The following CCDC178 variants were observed in gnomAD, a reference collection of about 807,000 sequenced individuals.
CCDC178 encodes coiled-coil domain-containing protein 178.
In CCDC178, 126 loss-of-function variants were observed where a neutral mutation model predicts 117.4. The ratio of observed to expected loss-of-function variants is 1.07; its 90% CI spans 0.93 to 1.24. The LOEUF (loss-of-function observed/expected upper bound fraction) is 1.24. Among genes scored for constraint, CCDC178 ranks in the 50% most tolerant of loss-of-function variants. CCDC178 has a pLI of 0.00. For synonymous variants in CCDC178, 283 were observed against 313.4 expected, an observed-to-expected ratio of 0.90 and a Z score of 1.02; for missense variants, 1,030 against 986.9, an observed-to-expected ratio of 1.04 and a Z score of -0.59.
At chr18:33,428,103 G>C (rs1042571401) in intron 2 of CCDC178, among the ~76,000 whole-genome samples, 1 of 152,044 alleles carries the variant, frequency 6.6e-6, no homozygotes, top group East Asian at 1.9e-4. Context: ...TTATGACATA[G>C]CTTTTGTTCC....
At chr18:32,981,038 A>G (rs1427089011) in intron 21 of CCDC178, among the ~76,000 whole-genome samples, 1 of 152,074 alleles carries the variant, frequency 6.6e-6, no homozygotes, top group African/African-American at 2.4e-5. Context: ...ACCCTAAACC[A>G]CAGCATTTAA....
intron 21 of CCDC178, among the ~76,000 whole-genome samples, chr18:33,019,581 A>G (rs2056068580): frequency 6.6e-6 from 1 of 152,202 alleles, no homozygotes; most frequent in East Asian, 1.9e-4. Context: ...TTTAAATAAA[A>G]CAAAAAATCA....
At chr18:32,989,313 A>C (rs901507134) in intron 21 of CCDC178, among the ~76,000 whole-genome samples, 9 of 152,232 alleles carry the variant, frequency 5.9e-5, no homozygotes, top group Non-Finnish European at 1.2e-4. Flanking sequence ...AAAGAAATCT[A>C]AACATACATT....
intron 15 of CCDC178, among the ~76,000 whole-genome samples, chr18:33,233,518 G>A (rs1186689954): frequency 9.9e-5 from 15 of 151,914 alleles, no homozygotes; most frequent in Non-Finnish European, 7.4e-5. Flanking sequence ...TAGAACCCAC[G>A]CATTTATCAC....
At chr18:33,258,927 G>A (rs917447891) in intron 14 of CCDC178, among the ~76,000 whole-genome samples, 5 of 151,900 alleles carry the variant, frequency 3.3e-5, no homozygotes, top group East Asian at 1.9e-4. Context: ...CAAGTTACAC[G>A]TAGTATACTA....
intron 20 of CCDC178, among the ~76,000 whole-genome samples, chr18:33,113,556 A>C (rs904788391): frequency 6.6e-6 from 1 of 151,948 alleles, no homozygotes; most frequent in African/African-American, 2.4e-5. Flanking sequence ...TCACTAATTA[A>C]AATAGCAATG....
intron 21 of CCDC178, among the ~76,000 whole-genome samples, chr18:33,057,963 C>A (rs2056858843): frequency 6.6e-6 from 1 of 151,968 alleles, no homozygotes; most frequent in Non-Finnish European, 1.5e-5. Context: ...CACTTCTCAC[C>A]CTCTAGGAGG....
intron 22 of CCDC178, among the ~76,000 whole-genome samples, chr18:32,961,983 G>A (rs1325991352): frequency 2.5e-5 from 3 of 121,410 alleles, no homozygotes; most frequent in African/African-American, 8.9e-5. Flanking sequence ...TTTTATTTCT[G>A]TTTTTTCTTT....
At chr18:33,085,552 G>C (rs2057367435) in intron 21 of CCDC178, among the ~76,000 whole-genome samples, 1 of 152,114 alleles carries the variant, frequency 6.6e-6, no homozygotes. Flanking sequence ...GACAGAGAGA[G>C]ATTCCGTCTC....
intron 5 of CCDC178, among the ~76,000 whole-genome samples, chr18:33,373,006 C>G (rs376637398): frequency 4.3e-4 from 65 of 152,216 alleles, no homozygotes; most frequent in South Asian, 1.7e-3. Flanking sequence ...GATTTTCTTT[C>G]CAAAATGTAA....
At chr18:33,261,232 C>T (rs1445730724) in intron 14 of CCDC178, among the ~76,000 whole-genome samples, 4 of 152,096 alleles carry the variant, frequency 2.6e-5, no homozygotes, top group African/African-American at 7.2e-5. Context: ...TACAGGCGCC[C>T]GCCACCACGC....
At chr18:32,968,753 G>GAA (rs2054868278) in intron 22 of CCDC178, among the ~76,000 whole-genome samples, 1 of 151,944 alleles carries the variant, frequency 6.6e-6, no homozygotes, top group South Asian at 2.1e-4. Flanking sequence ...ATCTCTAAAT[G>GAA]TATATATATT....
chr18:33,410,179 C>T (rs188361387), intron 3 of CCDC178, among the ~76,000 whole-genome samples: 480 of 152,288 alleles, frequency 3.2e-3, no homozygotes, highest in Admixed American at 5.4e-3. Flanking sequence ...AAATCACCAG[C>T]GCAGCTCTCT....
At chr18:33,279,132 G>C (rs1187409151) in intron 12 of CCDC178, among the ~76,000 whole-genome samples, 1 of 152,076 alleles carries the variant, frequency 6.6e-6, no homozygotes, top group African/African-American at 2.4e-5. Context: ...AGGAAATAAA[G>C]GGTATTCAAT....
intron 4 of CCDC178, among the ~76,000 whole-genome samples, chr18:33,396,250 C>T (rs1296776490): frequency 6.6e-6 from 1 of 151,946 alleles, no homozygotes; most frequent in East Asian, 1.9e-4. Context: ...CACAATAAGA[C>T]ATTGCTACAT....
rs765998760 is a variant in CCDC178, at chr18:33,333,265, A to ATG, written c.786_787dup (p.Ile263ThrfsTer2). 1.9e-6 allele frequency: 3 copies of ATG among 1,611,866 alleles called. No homozygotes were observed. The highest frequency in any genetic ancestry group is 2.5e-6 in the Non-Finnish European group (3 of 1,178,468). Reference sequence around the variant, plus strand: ...AGGGCCATGTTCATTCATGTAGTCTATGTCTGCTTGAATCTTTGCATTTGC... The same window carrying ATG: ...AGGGCCATGTTCATTCATGTAGTCTATGTGTCTGCTTGAATCTTTGCATTTGC... On this transcript the variant is annotated frameshift_variant, in exon 10 of 23. Coordinates refer to ENST00000383096, the MANE Select transcript of CCDC178 (RefSeq NM_001105528.4). LOFTEE classifies it high-confidence loss of function.
At chr18:33,362,631 A>T (rs574351071) in intron 6 of CCDC178, among the ~76,000 whole-genome samples, 54 of 151,952 alleles carry the variant, frequency 3.6e-4, no homozygotes, top group Non-Finnish European at 6.9e-4. Context: ...CACTATAGTA[A>T]CCATTGTACT....
At chr18:33,305,183 G>A (rs181602763) in intron 11 of CCDC178, among the ~76,000 whole-genome samples, 46 of 152,240 alleles carry the variant, frequency 3.0e-4, no homozygotes, top group African/African-American at 1.1e-3. Flanking sequence ...TTTTTTACAT[G>A]CTCATAGACC....
At chr18:33,355,562 T>C (rs1008252803) in intron 7 of CCDC178, among the ~76,000 whole-genome samples, 4 of 152,208 alleles carry the variant, frequency 2.6e-5, no homozygotes, top group Non-Finnish European at 5.9e-5. Context: ...CAAGTCTTTT[T>C]TGAACATTTT....
Sources: gnomAD v4.1 joint callset for allele counts (sites outside exome capture counted in the v4.1 genomes callset) on GRCh38, gnomAD v4.1.1 for gene constraint, MANE v1.5 for transcripts, NCBI Gene and HGNC (gene_info 2026-07-23, HGNC 2026-07-21) for gene names.